Variants in GPR21 observed in about 807,000 individuals in gnomAD.
GPR21 encodes the protein probable G protein-coupled receptor 21.
GPR21 carries 9 observed loss-of-function variants against 21.5 expected under a neutral mutation model. That is an observed-to-expected ratio of 0.42 (90% CI 0.25 to 0.73). The LOEUF is 0.73. Among genes scored for constraint, GPR21 ranks in the 30% least tolerant of loss-of-function variants. The pLI, the probability that GPR21 is intolerant of heterozygous loss-of-function variation, is 0.27. For missense variants in GPR21, 416 were observed against 428.9 expected (o/e 0.97, Z 0.27); for synonymous variants, 169 against 159.3 (o/e 1.06, Z -0.46).
chr9:123,047,757 G>C, the GPR21 span, among the ~76,000 whole-genome samples: 1 of 151,936 alleles, frequency 6.6e-6, no homozygotes, highest in East Asian at 1.9e-4. Context: ...TGTAGCCTTT[G>C]AATATGGGTG....
downstream of GPR21, among the ~76,000 whole-genome samples, chr9:123,038,650 T>C (rs1242395287): frequency 6.6e-6 from 1 of 152,080 alleles, no homozygotes; most frequent in Non-Finnish European, 1.5e-5. Flanking sequence ...AACTGTGGCA[T>C]TGAGATTTTT....
chr9:123,035,111 C>T lies in GPR21; in HGVS notation c.545C>T (p.Ala182Val), dbSNP rs1336308949. The change falls in exon 2 of 2, where the codon GCG becomes GTG. Residue 182 changes from alanine (A) to valine (V), a missense_variant. Coordinates refer to ENST00000616002, the MANE Select transcript of GPR21 (RefSeq NM_005294.3). ...GYHGDVFQWC[A>V]ESWHTDSYFT... ...CATGGAGATGTGTTTCAGTGGTGTG[C>T]GGAGTCCTGGCACACCGACTCCTAC... The T allele has an allele frequency of 9.3e-6, 15 of 1,613,798 alleles. No individual in the cohort carries two copies. The highest frequency in any genetic ancestry group is 2.2e-5 in the East Asian group (1 of 44,896).
At chr9:123,040,723 A>T in the GPR21 span, among the ~76,000 whole-genome samples, 1 of 152,154 alleles carries the variant, frequency 6.6e-6, no homozygotes, top group African/African-American at 2.4e-5. Context: ...GGAGCCGCTC[A>T]TCTTAGTTTT....
the GPR21 span, among the ~76,000 whole-genome samples, chr9:123,043,744 G>A: frequency 6.6e-6 from 1 of 151,802 alleles, no homozygotes; most frequent in Non-Finnish European, 1.5e-5. Context: ...AGCAACTTAA[G>A]CATTTTATTC....
Position 123,034,663 on chromosome 9 carries a change from T to C in GPR21, c.97T>C (p.Leu33=), listed in dbSNP as rs1218014427. 26 of 1,613,230 alleles carry C rather than the reference T, an allele frequency of 1.6e-5. No individual in the cohort carries two copies. Among genetic ancestry groups the C allele is most frequent in the Non-Finnish European group, 2.2e-5 (26 of 1,179,248 alleles). Residue 33 remains leucine, a synonymous_variant, in exon 2 of 2, where the codon TTG becomes CTG. Coordinates refer to ENST00000616002, the MANE Select transcript of GPR21 (RefSeq NM_005294.3). The part of the protein sequence containing the change: ...ETVNFCLLEV[L]IIVFLTVLII... ...TGTCAATTTTTGCCTTTTGGAAGTA[T>C]TGATTATTGTCTTTCTAACTGTATT...
At chr9:123,035,814 G>A (rs2032624402), downstream of GPR21, 1 of 493,910 alleles carries the variant, frequency 2.0e-6, no homozygotes, top group Non-Finnish European at 3.5e-6. Context: ...AAGTGCTTGT[G>A]AATTAGAAGA....
the GPR21 span, among the ~76,000 whole-genome samples, chr9:123,043,200 TAAATA>T: frequency 6.6e-6 from 1 of 151,914 alleles, no homozygotes; most frequent in African/African-American, 2.4e-5. Context: ...AGGGAGGAAA[TAAATA>T]AAGAGATACA....
rs983183958 is a variant in GPR21 at position 123,034,335 on chromosome 9, C to G, written c.-232C>G. On this transcript the variant is annotated 5_prime_UTR_variant, in exon 2 of 2. Coordinates refer to ENST00000616002, the MANE Select transcript of GPR21 (RefSeq NM_005294.3). ...GGTGAACCTGGCACTATGGCCGCGT[C>G]TGGGACTGGCCAGACAACTGCTGCT... 1.8e-6 allele frequency: 1 copy of G among 550,168 alleles called. No homozygotes were observed. The highest frequency in any genetic ancestry group is 1.9e-5 in the African/African-American group (1 of 52,668). The allele number at this position is 550,168 out of a possible 1,614,324, so 34.1% of individuals were successfully genotyped here.
At chr9:123,045,796 C>T in the GPR21 span, among the ~76,000 whole-genome samples, 1 of 152,094 alleles carries the variant, frequency 6.6e-6, no homozygotes, top group East Asian at 1.9e-4. Flanking sequence ...GTCTTTGGCC[C>T]TTGGTTTTCT....
the GPR21 span, among the ~76,000 whole-genome samples, chr9:123,048,799 T>G: frequency 6.6e-6 from 1 of 152,268 alleles, no homozygotes; most frequent in Admixed American, 6.5e-5. Flanking sequence ...ATTTCCTGCT[T>G]CTTGGGCCTC....
the GPR21 span, among the ~76,000 whole-genome samples, chr9:123,045,653 G>A: frequency 1.3e-5 from 2 of 152,022 alleles, no homozygotes; most frequent in African/African-American, 2.4e-5. Flanking sequence ...TATAGGAGTT[G>A]GTTTAAGATC....
At chr9:123,039,577 T>A (rs1235935803), downstream of GPR21, among the ~76,000 whole-genome samples, 1 of 152,188 alleles carries the variant, frequency 6.6e-6, no homozygotes, top group African/African-American at 2.4e-5. Flanking sequence ...AAATAATAAA[T>A]AATATCTCTT....
At chr9:123,042,722 C>G in the GPR21 span, among the ~76,000 whole-genome samples, 2 of 152,056 alleles carry the variant, frequency 1.3e-5, no homozygotes, top group Non-Finnish European at 2.9e-5. Flanking sequence ...AGCTGACTAA[C>G]AGAATCTTCA....
At chr9:123,047,990 G>T in the GPR21 span, among the ~76,000 whole-genome samples, 1 of 129,956 alleles carries the variant, frequency 7.7e-6, no homozygotes, top group Non-Finnish European at 1.6e-5. Context: ...CCAGGCTGGA[G>T]TGCAATGGCG....
chr9:123,040,498 T>G (rs756925196), downstream of GPR21, among the ~76,000 whole-genome samples: 2 of 152,160 alleles, frequency 1.3e-5, no homozygotes, highest in Non-Finnish European at 2.9e-5. Context: ...ACCTTCTCAT[T>G]GACATATTAC....
At chr9:123,043,609 A>G in the GPR21 span, among the ~76,000 whole-genome samples, 1 of 144,818 alleles carries the variant, frequency 6.9e-6, no homozygotes, top group Non-Finnish European at 1.5e-5. Flanking sequence ...CACTGTTGAC[A>G]GGGTGAGGGG....
chr9:123,036,988 G>A (rs924157402), downstream of GPR21, among the ~76,000 whole-genome samples: 12 of 152,046 alleles, frequency 7.9e-5, no homozygotes, highest in Admixed American at 3.9e-4. Context: ...AAGGAATTCC[G>A]GCAGCTCCAG....
exon 2 of GPR21, chr9:123,035,661 TGTGTGTG>T (rs2032610209): frequency 1.1e-6 from 1 of 874,824 alleles, no homozygotes; most frequent in Non-Finnish European, 1.8e-6. Flanking sequence ...TGTGTGTGTG[TGTGTGTG>T]TGTGTGTGTG....
the GPR21 span, among the ~76,000 whole-genome samples, chr9:123,047,294 C>T: frequency 6.6e-6 from 1 of 152,082 alleles, no homozygotes; most frequent in African/African-American, 2.4e-5. Flanking sequence ...AGAATTCTTT[C>T]ATTGGTATTT....
Sources: allele counts gnomAD v4.1 joint callset (sites outside exome capture counted in the v4.1 genomes callset), GRCh38; gene constraint gnomAD v4.1.1; transcripts MANE v1.5; gene names NCBI Gene and HGNC (gene_info 2026-07-23, HGNC 2026-07-21).